The following MKI67 variants were observed in gnomAD, a reference collection of about 807,000 sequenced individuals.
MKI67 encodes the protein proliferation marker protein Ki-67.
Under a neutral mutation model 233.5 loss-of-function variants are expected in MKI67, and 152 were observed. The observed-to-expected ratio is 0.65, with a 90% CI of 0.57 to 0.74. The LOEUF (loss-of-function observed/expected upper bound fraction) is 0.74, where lower values mean the gene tolerates loss of function less well. Among genes scored for constraint, MKI67 ranks in the 30% least tolerant of loss-of-function variants. The pLI, the probability that MKI67 is intolerant of heterozygous loss-of-function variation, is 0.00. For synonymous variants in MKI67, 1,465 were observed against 1,418.5 expected, an observed-to-expected ratio of 1.03 and a Z score of -0.74; for missense variants, 3,940 against 3,885.2, an observed-to-expected ratio of 1.01 and a Z score of -0.37.
In MKI67 at chr10:128,101,719, C is replaced by T. The variant is rs745399681; in HGVS notation, c.9262-18G>A. The T allele has an allele frequency of 3.2e-6, 5 of 1,550,776 alleles. No individual in the cohort carries two copies. The highest frequency in any genetic ancestry group is 2.2e-5 in the Admixed American group (1 of 46,478). On this transcript the variant is annotated intron_variant, in intron 13 of 14. Transcript: ENST00000368654. ...GATATTCCCTAAAGAAATGAGAAGA[C>T]ATCCACAAAATTCCAATAATTAGTA...
intron 8 of MKI67, among the ~76,000 whole-genome samples, chr10:128,112,909 C>T (rs1323210048): frequency 1.3e-5 from 2 of 152,200 alleles, no homozygotes; most frequent in Non-Finnish European, 2.9e-5. Flanking sequence ...AGGGCCATGA[C>T]TTCCCAGAGG....
chr10:128,102,291 T>C (rs1202377215), intron 13 of MKI67, among the ~76,000 whole-genome samples: 1 of 152,250 alleles, frequency 6.6e-6, no homozygotes, highest in Non-Finnish European at 1.5e-5. Context: ...CCACCTATCC[T>C]CTGATCAATT....
In MKI67 at chr10:128,104,222, T is replaced by C; in HGVS notation, c.7618A>G (p.Thr2540Ala). The change falls in exon 13 of 15, where the codon ACT becomes GCT. Residue 2540 changes from threonine to alanine, a missense_variant. Physicochemically the swap from Thr to Ala is moderately conservative, Grantham distance 58. Coordinates refer to ENST00000368654, the MANE Select transcript of MKI67 (RefSeq NM_002417.5). ...GTTCTCAGCTGCCTCCTGCTACCAG[T>C]TACACTTGCTGCTGGGTCCAGGATC... ...KQILDPAASVTGSRRQLRTRK... is the reference protein window; with the variant it reads ...KQILDPAASVAGSRRQLRTRK... 6.2e-7 allele frequency: 1 copy of C among 1,613,820 alleles called. No homozygotes were observed. Among genetic ancestry groups the C allele is most frequent in the South Asian group, 1.1e-5 (1 of 91,056 alleles).
rs1852275795 is a variant in MKI67, at chr10:128,099,055, C to A, written c.*135G>T. On this transcript the variant is annotated 3_prime_UTR_variant, in exon 15 of 15. Coordinates refer to ENST00000368654, the MANE Select transcript of MKI67 (RefSeq NM_002417.5). Reference sequence around the variant, plus strand: ...GTTTATGAAGCCGATTCAGACCCAGCAAATCCAAAGTTTTCTTCCCTTAAG... The same window carrying A: ...GTTTATGAAGCCGATTCAGACCCAGAAAATCCAAAGTTTTCTTCCCTTAAG... 1.6e-6 allele frequency: 1 copy of A among 635,640 alleles called. No individual in the cohort carries two copies. The highest frequency in any genetic ancestry group is 2.6e-6 in the Non-Finnish European group (1 of 383,838). 39.4% of individuals were successfully genotyped at this position (635,640 alleles called of 1,614,324 possible).
Position 128,109,367 on chromosome 10 carries a change from A to G in MKI67, c.2473T>C (p.Ser825Pro), listed in dbSNP as rs143798796. 1 of 1,614,152 alleles carries G rather than the reference A, an allele frequency of 6.2e-7. No individual in the cohort carries two copies. Among genetic ancestry groups the G allele is most frequent in the South Asian group, 1.1e-5 (1 of 91,084 alleles). The change falls in exon 13 of 15, where the codon TCT becomes CCT. Residue 825 changes from serine (S) to proline (P), a missense_variant. Transcript: ENST00000368654. ...TGCCGTCTTAAGGGAGGGCTTGCAG[A>G]GCATTTATCAGATGGCTGTTTTGCT... ...NAAKQPSDKC[S>P]ASPPLRRQCI... is the part of the protein sequence containing the mutation.
chr10:128,105,872 T>C lies in MKI67; in HGVS notation c.5968A>G (p.Lys1990Glu), dbSNP rs374105143. 7.5e-5 allele frequency: 121 copies of C among 1,613,830 alleles called. No homozygotes were observed. Among genetic ancestry groups the C allele is most frequent in the Non-Finnish European group, 1.0e-4 (118 of 1,179,984 alleles). Residue 1990 changes from lysine (K) to glutamate (E), a missense_variant, in exon 13 of 15, where the codon AAA becomes GAA. Transcript: ENST00000368654. ...CGTTGCTTGGAGCTTGTTGGGGTTT[T>C]GACTGGGTCTGGTTGTGGAGATTTG... ...SCKSPQPDPV[K>E]TPTSSKQRLK...
chr10:128,114,844 C>A, intron 7 of MKI67, 84 bp downstream of exon 7: 1 of 1,302,152 alleles, frequency 7.7e-7, no homozygotes. Context: ...CAAAGCTAAT[C>A]ACTACTGAAA....
rs754856522 is a variant in MKI67 at position 128,101,371 on chromosome 10, T to A, written c.9592A>T (p.Met3198Leu). The change falls in exon 14 of 15, where the codon ATG becomes TTG. Residue 3198 changes from methionine to leucine, a missense_variant. Met to Leu is a conservative substitution (Grantham distance 15). Transcript: ENST00000368654. Reference protein sequence around the residue: ...GKGEAGNSDSMCLRSRKTKSQ... With the variant: ...GKGEAGNSDSLCLRSRKTKSQ... ...TTTGTCTTTCTTGATCTCAGGCACA[T>A]GGAGTCTGAATTTCCTGCTTCTCCT... The A allele has an allele frequency of 1.2e-6, 2 of 1,614,086 alleles. No individual in the cohort carries two copies. The highest frequency in any genetic ancestry group is 4.5e-5 in the East Asian group (2 of 44,892).
At chr10:128,120,772 T>C (rs1485014960) in intron 4 of MKI67, among the ~76,000 whole-genome samples, 1 of 152,012 alleles carries the variant, frequency 6.6e-6, no homozygotes, top group Admixed American at 6.5e-5. Flanking sequence ...TCTTTTAAAA[T>C]AAAAGCATGG....
At chr10:128,117,686 G>A (rs1295403788) in intron 5 of MKI67, among the ~76,000 whole-genome samples, 2 of 152,206 alleles carry the variant, frequency 1.3e-5, no homozygotes, top group Non-Finnish European at 2.9e-5. Context: ...AACTATCTAT[G>A]TGAGGGATGG....
Position 128,106,972 on chromosome 10 carries a change from T to C in MKI67, c.4868A>G (p.Asp1623Gly), listed in dbSNP as rs950589142. The C allele has an allele frequency of 6.2e-7, 1 of 1,614,060 alleles. No individual in the cohort carries two copies. Residue 1623 changes from aspartate to glycine, a missense_variant, in exon 13 of 15, where the codon GAC becomes GGC. By Grantham distance (94) the Asp-to-Gly change is moderately conservative (BLOSUM62 -1). Transcript: ENST00000368654. ...VACKSSQPDP[D>G]KNPASSKRRL... ...TCGCTTGGAGCTTGCTGGGTTTTTGTCTGGGTCTGGTTGTGAAGATTTGCA... is the reference window on the plus strand; with the variant it reads ...TCGCTTGGAGCTTGCTGGGTTTTTGCCTGGGTCTGGTTGTGAAGATTTGCA...
chr10:128,104,644 T>C lies in MKI67; in HGVS notation c.7196A>G (p.Asn2399Ser), dbSNP rs748617350. 1 of 1,613,744 alleles carries C rather than the reference T, an allele frequency of 6.2e-7. No individual in the cohort carries two copies. The highest frequency in any genetic ancestry group is 8.5e-7 in the Non-Finnish European group (1 of 1,180,006). The change falls in exon 13 of 15, where the codon AAT (asparagine) becomes AGT (serine). Residue 2399 changes from asparagine (N) to serine (S), a missense_variant. Asn to Ser is a conservative substitution (Grantham distance 46, BLOSUM62 1). Transcript: ENST00000368654. Reference sequence around the variant, plus strand: ...TGGAGTTTCCACAAATGTGTTGATATTTTTCTCATCACTTACTGCTGGTTT... The same window carrying C: ...TGGAGTTTCCACAAATGTGTTGATACTTTTCTCATCACTTACTGCTGGTTT... ...TPKPAVSDEK[N>S]INTFVETPVQ...
chr10:128,113,608 G>A lies in MKI67; in HGVS notation c.1481-6C>T. The A allele has an allele frequency of 6.2e-7, 1 of 1,612,378 alleles. No homozygotes were observed. Among genetic ancestry groups the A allele is most frequent in the Non-Finnish European group, 8.5e-7 (1 of 1,178,768 alleles). Reference sequence around the variant, plus strand: ...AGGTATTCCCTCACTCTCATCTAAAGTAACGGATACAAATGTGGAAAGAGC... The same window carrying A: ...AGGTATTCCCTCACTCTCATCTAAAATAACGGATACAAATGTGGAAAGAGC... On this transcript the variant is annotated splice_region_variant and splice_polypyrimidine_tract_variant and intron_variant, in intron 7 of 14. Transcript: ENST00000368654.
rs747390005 is a variant in MKI67, at chr10:128,104,808, A to G, written c.7032T>C (p.Ser2344=). ...GGGTGTCCACTGGGTCTGGTTGTGG[A>G]GATTTGCAGGCTATTTTGGTAGTTT... ...DEKTTKIACK[S]PQPDPVDTPA... is the part of the protein sequence containing the mutation. The change falls in exon 13 of 15, where the codon TCT becomes TCC. Residue 2344 remains serine (S), a synonymous_variant. Coordinates refer to ENST00000368654, the MANE Select transcript of MKI67 (RefSeq NM_002417.5). 1 of 1,611,644 alleles carries G rather than the reference A, an allele frequency of 6.2e-7. No homozygotes were observed. The highest frequency in any genetic ancestry group is 1.1e-5 in the South Asian group (1 of 91,004).
chr10:128,125,827 C>A lies in MKI67; in HGVS notation c.-89-71G>T, dbSNP rs1257757486. The A allele has an allele frequency of 1.5e-6, 1 of 682,628 alleles. No individual in the cohort carries two copies. The highest frequency in any genetic ancestry group is 1.8e-5 in the African/African-American group (1 of 56,120). 42.3% of individuals were successfully genotyped at this position (682,628 alleles called of 1,614,324 possible). On this transcript the variant is annotated intron_variant, in intron 1 of 14. Coordinates refer to ENST00000368654, the MANE Select transcript of MKI67 (RefSeq NM_002417.5). This position sits in a 1 kb window ranked among gnomAD's most constrained non-coding sequence, Gnocchi z 5.3. ...GGGCCCCGTGCCCAATTCACCTATC[C>A]CCGGCCACAGAAGCGCACACCGCAG...
Position 128,107,230 on chromosome 10 carries a change from G to C in MKI67, c.4610C>G (p.Ala1537Gly). Residue 1537 changes from alanine (A) to glycine (G), a missense_variant, in exon 13 of 15, where the codon GCC (alanine) becomes GGC (glycine). Transcript: ENST00000368654. ...LRKRTPSAGKAMHTPKPAVSG... is the reference protein window; with the variant it reads ...LRKRTPSAGKGMHTPKPAVSG... ...TACTGCTGGTTTGGGTGTGTGCATGGCTTTGCCTGCTGATGGTGTTCGTTT... is the reference window on the plus strand; with the variant it reads ...TACTGCTGGTTTGGGTGTGTGCATGCCTTTGCCTGCTGATGGTGTTCGTTT... The C allele has an allele frequency of 1.2e-6, 2 of 1,614,144 alleles. No individual in the cohort carries two copies. Among genetic ancestry groups the C allele is most frequent in the Non-Finnish European group, 1.7e-6 (2 of 1,180,032 alleles).
In MKI67 at chr10:128,109,104, T is replaced by C; in HGVS notation, c.2736A>G (p.Thr912=). ...ECILKRGQKA[T]LLQQRREGEM... is the part of the protein sequence containing the mutation. The stretch of plus-strand genomic sequence containing the variant: ...CTCCTTCTCTCCTTTGTTGTAGTAG[T>C]GTTGCCTTCTGACCTCTTTTTAGGA... Residue 912 remains threonine (T), a synonymous_variant, in exon 13 of 15, where the codon ACA becomes ACG. Coordinates refer to ENST00000368654, the MANE Select transcript of MKI67 (RefSeq NM_002417.5). 2 of 1,614,252 alleles carry C rather than the reference T, an allele frequency of 1.2e-6. No individual in the cohort carries two copies. The highest frequency in any genetic ancestry group is 1.7e-6 in the Non-Finnish European group (2 of 1,180,036).
intron 4 of MKI67, among the ~76,000 whole-genome samples, 158 bp from the exon 5 acceptor site, chr10:128,119,477 C>CTTTTTTTACTAAAAAAGTGCT (rs1477686651): frequency 6.6e-6 from 1 of 152,172 alleles, no homozygotes; most frequent in Non-Finnish European, 1.5e-5. Context: ...TAGAAAAGTG[C>CTTTTTTTACTAAAAAAGTGCT]TTTTACACTA....
chr10:128,107,687 T>C lies in MKI67; in HGVS notation c.4153A>G (p.Thr1385Ala), dbSNP rs1852543573. 2 of 1,613,894 alleles carry C rather than the reference T, an allele frequency of 1.2e-6. No homozygotes were observed. Among genetic ancestry groups the C allele is most frequent in the Non-Finnish European group, 8.5e-7 (1 of 1,180,022 alleles). The change falls in exon 13 of 15, where the codon ACA becomes GCA. Residue 1385 changes from threonine to alanine, a missense_variant. Thr to Ala is a moderately conservative substitution (Grantham distance 58). Transcript: ENST00000368654. ...GTCTTGGGCTGCCTTCTTGTGCTTG[T>C]TGGGGTGTCTGCTGATTCTGGTGGA... Reference protein sequence around the residue: ...SSPPESADTPTSTRRQPKTPL... With the variant: ...SSPPESADTPASTRRQPKTPL...
Sources: allele counts gnomAD v4.1 joint callset (sites outside exome capture counted in the v4.1 genomes callset), GRCh38; gene constraint gnomAD v4.1.1; non-coding constraint Gnocchi (gnomAD v3.1); transcripts MANE v1.5; gene names NCBI Gene and HGNC (gene_info 2026-07-23, HGNC 2026-07-21).